The following TAFA2 variants were observed in gnomAD, a reference collection of about 807,000 sequenced individuals.
TAFA2 encodes the protein chemokine-like protein TAFA-2.
In TAFA2, 7 loss-of-function variants were observed where a neutral mutation model predicts 18.8. That is an observed-to-expected ratio of 0.37 (90% CI 0.21 to 0.70). The LOEUF (loss-of-function observed/expected upper bound fraction) is 0.70, where lower values mean the gene tolerates loss of function less well. TAFA2 is among the 30% of genes least tolerant of loss of function. The pLI is 0.53. For synonymous variants in TAFA2, 60 were observed against 54.2 expected (o/e 1.11, Z -0.47); for missense variants, 122 against 158.1 (o/e 0.77, Z 1.23).
intron 1 of TAFA2, among the ~76,000 whole-genome samples, chr12:62,129,346 T>C (rs1326222859): frequency 6.6e-6 from 1 of 152,064 alleles, no homozygotes; most frequent in Non-Finnish European, 1.5e-5. Flanking sequence ...TCTGTTGTAA[T>C]GTGAAAAGTG....
intron 2 of TAFA2, among the ~76,000 whole-genome samples, chr12:61,863,034 A>G (rs1436991847): frequency 6.6e-6 from 1 of 152,228 alleles, no homozygotes; most frequent in African/African-American, 2.4e-5. Flanking sequence ...ATCATTAAGT[A>G]AACAAGCAAC....
rs182306788 is a variant in TAFA2 at position 62,024,237 on chromosome 12, G to A, written c.-1-156811C>T. On this transcript the variant is annotated intron_variant, in intron 1 of 4. Transcript: ENST00000416284. The stretch of plus-strand genomic sequence containing the variant: ...TGTGTATTCTTGATATATGCTATTG[G>A]AAATAGAGTGCCCCAAAATCCACCG... 7.2e-5 allele frequency among the ~76,000 whole-genome samples: 11 copies of A among 152,170 alleles called. No individual in the cohort carries two copies. In the East Asian group the frequency reaches 2.1e-3, roughly 29 times the overall value.
At chr12:62,018,133 A>C (rs2136724135) in intron 1 of TAFA2, among the ~76,000 whole-genome samples, 1 of 152,314 alleles carries the variant, frequency 6.6e-6, no homozygotes, top group Middle Eastern at 3.4e-3. Flanking sequence ...ATGAGTACTG[A>C]GCATTTATAA....
intron 1 of TAFA2, among the ~76,000 whole-genome samples, chr12:61,935,070 T>A (rs35149976): frequency 0.1 from 15,832 of 152,118 alleles, 912 homozygotes; most frequent in East Asian, 0.24. Flanking sequence ...CACCATCAAC[T>A]GAATCAGGAT....
At chr12:61,955,739 A>C (rs1033654010) in intron 1 of TAFA2, among the ~76,000 whole-genome samples, 4 of 147,922 alleles carry the variant, frequency 2.7e-5, no homozygotes, top group Non-Finnish European at 4.5e-5. Context: ...TTTTAAAAAA[A>C]TTGCAAAACT....
At chr12:61,889,762 T>C (rs558266570) in intron 1 of TAFA2, among the ~76,000 whole-genome samples, 1 of 152,362 alleles carries the variant, frequency 6.6e-6, no homozygotes, top group South Asian at 2.1e-4. Flanking sequence ...CGAATACTAC[T>C]GCCATATCCT....
chr12:62,023,385 T>G (rs904390158), intron 1 of TAFA2, among the ~76,000 whole-genome samples: 3 of 152,108 alleles, frequency 2.0e-5, no homozygotes, highest in African/African-American at 7.2e-5. Context: ...AGATAAACTT[T>G]CTTTTGAGTT....
intron 1 of TAFA2, among the ~76,000 whole-genome samples, chr12:62,058,025 AAAATAAATAAAAAC>A (rs1418054725): frequency 6.6e-6 from 1 of 152,236 alleles, no homozygotes; most frequent in African/African-American, 2.4e-5. Flanking sequence ...TCTCATTCTA[AAAATAAATAAAAAC>A]AAATAAATAA....
At chr12:61,946,011 C>G (rs1437990453) in intron 1 of TAFA2, among the ~76,000 whole-genome samples, 1 of 113,866 alleles carries the variant, frequency 8.8e-6, no homozygotes, top group Non-Finnish European at 1.7e-5. Context: ...CAATCCTAAG[C>G]CAAAAGAACA....
intron 1 of TAFA2, among the ~76,000 whole-genome samples, chr12:62,006,218 A>T (rs1416644836): frequency 6.6e-6 from 1 of 152,198 alleles, no homozygotes; most frequent in African/African-American, 2.4e-5. Flanking sequence ...TTGAAAGTTT[A>T]TCAGTGGTTT....
intron 2 of TAFA2, among the ~76,000 whole-genome samples, chr12:61,764,916 C>G (rs1381664213): frequency 6.6e-6 from 1 of 152,038 alleles, no homozygotes; most frequent in Non-Finnish European, 1.5e-5. Flanking sequence ...ATGTACAAAA[C>G]AGCTTGATTA....
At chr12:62,065,635 T>C (rs933659341) in intron 1 of TAFA2, among the ~76,000 whole-genome samples, 21 of 151,984 alleles carry the variant, frequency 1.4e-4, no homozygotes, top group African/African-American at 5.1e-4. Flanking sequence ...AAGCATCAAG[T>C]GTGGTCAATT....
intron 1 of TAFA2, among the ~76,000 whole-genome samples, chr12:62,109,540 G>A (rs1014368413): frequency 5.3e-5 from 8 of 152,124 alleles, no homozygotes; most frequent in African/African-American, 9.7e-5. Flanking sequence ...GCTTGATGGG[G>A]ATAACATTGA....
chr12:62,204,644 T>G (rs142638965), intron 1 of TAFA2, among the ~76,000 whole-genome samples: 20 of 152,320 alleles, frequency 1.3e-4, no homozygotes, highest in African/African-American at 4.6e-4. Flanking sequence ...GTGGTTGCAA[T>G]GTGAAGTTCT....
chr12:61,960,370 C>T (rs1165264972), intron 1 of TAFA2, among the ~76,000 whole-genome samples: 1 of 151,910 alleles, frequency 6.6e-6, no homozygotes, highest in Non-Finnish European at 1.5e-5. Context: ...TATTTAAAAA[C>T]ACAAACTGTG....
chr12:61,821,488 A>T (rs1872321672), intron 2 of TAFA2, among the ~76,000 whole-genome samples: 2 of 152,016 alleles, frequency 1.3e-5, no homozygotes, highest in Non-Finnish European at 2.9e-5. Flanking sequence ...TGCAAGCAAA[A>T]AAGGGAAAAA....
chr12:62,154,460 C>T (rs1217786691), intron 1 of TAFA2, among the ~76,000 whole-genome samples: 2 of 152,096 alleles, frequency 1.3e-5, no homozygotes, highest in Admixed American at 6.6e-5. Context: ...AAGCTAGACA[C>T]ATTTCTAGCC....
At chr12:62,162,548 T>A (rs1295668052) in intron 1 of TAFA2, among the ~76,000 whole-genome samples, 1 of 152,194 alleles carries the variant, frequency 6.6e-6, no homozygotes, top group Non-Finnish European at 1.5e-5. Flanking sequence ...ACTGTTTTCC[T>A]TCTCTTCTAC....
At chr12:61,945,043 GC>G (rs1173293408) in intron 1 of TAFA2, among the ~76,000 whole-genome samples, 1 of 150,008 alleles carries the variant, frequency 6.7e-6, no homozygotes, top group Non-Finnish European at 1.5e-5. Flanking sequence ...GAACACTGAT[GC>G]AAAAATCCTC....
Sources: gnomAD v4.1 joint callset for allele counts (sites outside exome capture counted in the v4.1 genomes callset) on GRCh38, gnomAD v4.1.1 for gene constraint, MANE v1.5 for transcripts, NCBI Gene and HGNC (gene_info 2026-07-23, HGNC 2026-07-21) for gene names.